Variants in PRICKLE1 observed in about 807,000 individuals in gnomAD.
PRICKLE1 encodes prickle-like protein 1.
PRICKLE1 carries 14 observed loss-of-function variants against 70.2 expected under a neutral mutation model. That is an observed-to-expected ratio of 0.20 (90% CI 0.13 to 0.31). The LOEUF is 0.31. Ranked by LOEUF, PRICKLE1 falls within the 10% of genes least tolerant of loss-of-function variation. PRICKLE1 has a pLI of 1.00. For synonymous variants in PRICKLE1, 357 were observed against 379.9 expected, an observed-to-expected ratio of 0.94 and a Z score of 0.70; for missense variants, 821 against 1,026.2, an observed-to-expected ratio of 0.80 and a Z score of 2.73.
intron 1 of PRICKLE1, among the ~76,000 whole-genome samples, chr12:42,541,620 G>T (rs1052388896): frequency 6.6e-6 from 1 of 152,148 alleles, no homozygotes; most frequent in South Asian, 2.1e-4. Flanking sequence ...TTACAGGCAT[G>T]AGTCACCATG....
chr12:42,539,008 G>A (rs1429842534), intron 1 of PRICKLE1, among the ~76,000 whole-genome samples: 1 of 152,082 alleles, frequency 6.6e-6, no homozygotes, highest in Non-Finnish European at 1.5e-5. Context: ...GATTTAAAAT[G>A]AATTTTAAAT....
chr12:42,465,418 G>A (rs927941211), intron 6 of PRICKLE1, 160 bp from the exon 7 acceptor site: 1 of 679,362 alleles, frequency 1.5e-6, no homozygotes, highest in Non-Finnish European at 2.5e-6. Flanking sequence ...TTCTGTATTT[G>A]TGAGTGTGCC....
At chr12:42,524,468 C>T (rs1939766498) in intron 1 of PRICKLE1, among the ~76,000 whole-genome samples, 1 of 152,168 alleles carries the variant, frequency 6.6e-6, no homozygotes, top group Non-Finnish European at 1.5e-5. Flanking sequence ...GGCTGGAGTG[C>T]AGTGGCGCGA....
At chr12:42,515,325 C>T (rs1213216559) in intron 1 of PRICKLE1, among the ~76,000 whole-genome samples, 4 of 150,864 alleles carry the variant, frequency 2.7e-5, no homozygotes, top group South Asian at 2.1e-4. Context: ...CTGCAACCTT[C>T]GCCTCCCAGG....
At chr12:42,557,649 C>T (rs1265334356) in intron 1 of PRICKLE1, among the ~76,000 whole-genome samples, 3 of 152,168 alleles carry the variant, frequency 2.0e-5, no homozygotes, top group African/African-American at 7.2e-5. Context: ...CTGGATCTAT[C>T]CCTATGTTAT....
intron 1 of PRICKLE1, among the ~76,000 whole-genome samples, chr12:42,478,943 G>A (rs186090302): frequency 2.4e-3 from 363 of 151,416 alleles, no homozygotes; most frequent in Non-Finnish European, 4.2e-3. Flanking sequence ...CAAAGGATAA[G>A]GGCTATACTT....
intron 1 of PRICKLE1, among the ~76,000 whole-genome samples, chr12:42,498,665 C>T (rs1008619436): frequency 6.6e-6 from 1 of 152,138 alleles, no homozygotes; most frequent in East Asian, 1.9e-4. Context: ...CCAAAACCTT[C>T]GTGAGATAAA....
At chr12:42,501,552 A>T (rs1435034660) in intron 1 of PRICKLE1, among the ~76,000 whole-genome samples, 3 of 150,002 alleles carry the variant, frequency 2.0e-5, no homozygotes, top group Non-Finnish European at 4.4e-5. Context: ...AGGAGAGCAA[A>T]TTCCTATACA....
intron 1 of PRICKLE1, among the ~76,000 whole-genome samples, chr12:42,526,063 T>C (rs11181537): frequency 0.44 from 67,401 of 151,916 alleles, 15,996 homozygotes; most frequent in Non-Finnish European, 0.53. Context: ...TGCTCTAGGA[T>C]TACAAAATGC....
At chr12:42,497,269 G>A (rs374354522) in intron 1 of PRICKLE1, among the ~76,000 whole-genome samples, 2 of 152,170 alleles carry the variant, frequency 1.3e-5, no homozygotes, top group Admixed American at 1.3e-4. Context: ...TCGATGGCCG[G>A]GCGTGGTGGC....
rs991759765 is a variant in PRICKLE1 at position 42,458,656 on chromosome 12, C to G, written c.*1153G>C. On this transcript the variant is annotated 3_prime_UTR_variant, in exon 8 of 8. Transcript: ENST00000345127. The stretch of plus-strand genomic sequence containing the variant: ...GAGGGAAGGAATAAAAAGGAATAAC[C>G]TCTCTTAAAATAACAAATCTACAAA... 1 of 152,164 alleles carries G rather than the reference C, an allele frequency of 6.6e-6. No homozygotes were observed. Among genetic ancestry groups the G allele is most frequent in the African/African-American group, 2.4e-5 (1 of 41,440 alleles). 9.4% of individuals were successfully genotyped at this position (152,164 alleles called of 1,614,324 possible). A position where few individuals can be genotyped will look rare whatever the true frequency, so the allele number is the denominator to read the frequency against.
chr12:42,474,028 C>T (rs1360423538), intron 1 of PRICKLE1, among the ~76,000 whole-genome samples: 2 of 152,152 alleles, frequency 1.3e-5, no homozygotes, highest in African/African-American at 4.8e-5. Context: ...AATCCCAGCA[C>T]TTTGGGAGGC....
At chr12:42,565,382 A>G (rs1435197035) in intron 1 of PRICKLE1, among the ~76,000 whole-genome samples, 1 of 152,186 alleles carries the variant, frequency 6.6e-6, no homozygotes, top group Non-Finnish European at 1.5e-5. Flanking sequence ...CTCAAGAGAG[A>G]TGTGTTTTGG....
chr12:42,540,326 T>G (rs1044521410), intron 1 of PRICKLE1, among the ~76,000 whole-genome samples: 19 of 152,246 alleles, frequency 1.2e-4, no homozygotes, highest in Admixed American at 1.2e-3. Flanking sequence ...GAAAACAAAT[T>G]CTCTACTCAG....
At chr12:42,470,820 C>T (rs901754681) in intron 2 of PRICKLE1, among the ~76,000 whole-genome samples, 1 of 151,772 alleles carries the variant, frequency 6.6e-6, no homozygotes. Context: ...GCAGGAGAAT[C>T]GCTTGAACCT....
intron 1 of PRICKLE1, among the ~76,000 whole-genome samples, chr12:42,569,922 C>A (rs1326060521): frequency 1.3e-5 from 2 of 152,200 alleles, no homozygotes; most frequent in Admixed American, 1.3e-4. Context: ...GCAGAGGACA[C>A]CTGCTATTGA....
At chr12:42,571,026 T>C (rs761291281) in intron 1 of PRICKLE1, among the ~76,000 whole-genome samples, 31 of 152,180 alleles carry the variant, frequency 2.0e-4, no homozygotes, top group Non-Finnish European at 4.6e-4. Flanking sequence ...TACTATGCAA[T>C]AGTTTGTGTG....
At chr12:42,520,141 C>T (rs776651327) in intron 1 of PRICKLE1, among the ~76,000 whole-genome samples, 1 of 152,134 alleles carries the variant, frequency 6.6e-6, no homozygotes, top group African/African-American at 2.4e-5. Context: ...GTAAAAAGCA[C>T]CCTCTCAAGT....
chr12:42,575,507 T>C (rs1238591750), intron 1 of PRICKLE1, among the ~76,000 whole-genome samples: 3 of 151,980 alleles, frequency 2.0e-5, no homozygotes, highest in Non-Finnish European at 4.4e-5. Context: ...CCAGCCTAAC[T>C]AACATGGTAA....
Sources: gnomAD v4.1 joint callset for allele counts (sites outside exome capture counted in the v4.1 genomes callset) on GRCh38, gnomAD v4.1.1 for gene constraint, MANE v1.5 for transcripts, NCBI Gene and HGNC (gene_info 2026-07-23, HGNC 2026-07-21) for gene names.